The following EYA2 variants were observed in gnomAD, a reference collection of about 807,000 sequenced individuals.
EYA2 encodes the protein protein phosphatase EYA2.
Under a neutral mutation model 69.2 loss-of-function variants are expected in EYA2, and 31 were observed. That is an observed-to-expected ratio of 0.45 (90% CI 0.34 to 0.60). The LOEUF (loss-of-function observed/expected upper bound fraction) is 0.60. Ranked by LOEUF, EYA2 falls within the 20% of genes least tolerant of loss-of-function variation. EYA2 has a pLI of 0.02. For synonymous variants in EYA2, 257 were observed against 279.4 expected (o/e 0.92, Z 0.80); for missense variants, 622 against 701.2 (o/e 0.89, Z 1.28).
intron 1 of EYA2, among the ~76,000 whole-genome samples, chr20:46,909,520 C>CA (rs1415769661): frequency 6.6e-6 from 1 of 151,976 alleles, no homozygotes; most frequent in Non-Finnish European, 1.5e-5. Context: ...ATGTAAGTGA[C>CA]AAAAAAACTT....
chr20:47,182,226 G>A (rs529671792), intron 14 of EYA2, among the ~76,000 whole-genome samples: 25 of 151,982 alleles, frequency 1.6e-4, no homozygotes, highest in African/African-American at 5.5e-4. Flanking sequence ...TGTTGGCCAG[G>A]CTAGTCTTGA....
At position 47,055,219 on chromosome 20, in the gene EYA2, C is replaced by T. The variant is rs577803458; in HGVS notation, c.416-16966C>T. Reference sequence around the variant, plus strand: ...CTCACCAGGGAAGTGTAAGCCATCTCGAACCTCATTGCCCTGCATGGGACT... The same window carrying T: ...CTCACCAGGGAAGTGTAAGCCATCTTGAACCTCATTGCCCTGCATGGGACT... On this transcript the variant is annotated intron_variant, in intron 5 of 15. Transcript: ENST00000327619. Among the ~76,000 whole-genome samples the T allele has an allele frequency of 8.5e-5, 13 of 152,324 alleles. No individual in the cohort carries two copies. The South Asian group carries it at 2.5e-3, about 29-fold the overall frequency.
chr20:47,161,341 C>A, intron 10 of EYA2: 1 of 474,270 alleles, frequency 2.1e-6, no homozygotes, highest in Non-Finnish European at 4.0e-6. Context: ...TCACCGATGA[C>A]AATAAATCCC....
At chr20:47,113,438 T>C (rs1193665173) in intron 9 of EYA2, among the ~76,000 whole-genome samples, 2 of 152,188 alleles carry the variant, frequency 1.3e-5, no homozygotes, top group Non-Finnish European at 2.9e-5. Flanking sequence ...GTTAGACACC[T>C]TGATGGACAG....
At chr20:46,997,146 T>C (rs1045744321) in intron 2 of EYA2, among the ~76,000 whole-genome samples, 2 of 152,090 alleles carry the variant, frequency 1.3e-5, no homozygotes, top group Non-Finnish European at 2.9e-5. Flanking sequence ...GAAGCTGACA[T>C]GTGGTTCCCC....
chr20:47,183,320 C>T lies in EYA2; in HGVS notation c.1465C>T (p.Gln489Ter). ...GGAGAGCTGCTTCGAGAGGATAATG[C>T]AGAGATTCGGCAGAAAAGCTGTCTA... ...GKESCFERIM[Q>*]RFGRKAVYVV... is the part of the protein sequence containing the mutation. The change falls in exon 15 of 16, where the codon CAG (glutamine) becomes TAG (stop). Residue 489 changes from glutamine to a stop codon, truncating the protein, a stop_gained. Transcript: ENST00000327619. LOFTEE classifies it high-confidence loss of function. 6.2e-7 allele frequency: 1 copy of T among 1,614,118 alleles called. No homozygotes were observed. Among genetic ancestry groups the T allele is most frequent in the East Asian group, 2.2e-5 (1 of 44,882 alleles).
chr20:46,903,518 G>C (rs549371358), intron 1 of EYA2, among the ~76,000 whole-genome samples: 14 of 152,116 alleles, frequency 9.2e-5, no homozygotes, highest in Non-Finnish European at 1.9e-4. Context: ...TTTCAGCCTC[G>C]AGATTAAGAG....
chr20:47,030,257 C>T (rs1420330759), intron 5 of EYA2, among the ~76,000 whole-genome samples: 1 of 152,258 alleles, frequency 6.6e-6, no homozygotes, highest in Non-Finnish European at 1.5e-5. Flanking sequence ...AATGTCTGCA[C>T]CTCTGTCACC....
intron 9 of EYA2, among the ~76,000 whole-genome samples, chr20:47,119,899 G>A (rs199814858): frequency 3.3e-5 from 5 of 151,242 alleles, no homozygotes; most frequent in African/African-American, 9.7e-5. Context: ...AGAGCTTGTC[G>A]CTACAGAAAG....
At chr20:47,181,001 G>A (rs1483862235) in intron 14 of EYA2, 65 bp downstream of exon 14, 1 of 1,576,834 alleles carries the variant, frequency 6.3e-7, no homozygotes, top group African/African-American at 1.3e-5. Context: ...TTCCATCCTG[G>A]GAATGGGGTG....
At chr20:47,136,995 C>A (rs930433482) in intron 9 of EYA2, among the ~76,000 whole-genome samples, 1 of 152,120 alleles carries the variant, frequency 6.6e-6, no homozygotes, top group African/African-American at 2.4e-5. Flanking sequence ...GAGAACCACC[C>A]ACAAGTTCTC....
At chr20:46,959,735 C>A (rs1412461684) in intron 1 of EYA2, among the ~76,000 whole-genome samples, 6 of 152,234 alleles carry the variant, frequency 3.9e-5, no homozygotes. Context: ...TTCTCTCTTA[C>A]CCTCTCCCAA....
chr20:46,934,020 A>G (rs1985791479), intron 1 of EYA2, among the ~76,000 whole-genome samples: 1 of 152,224 alleles, frequency 6.6e-6, no homozygotes, highest in African/African-American at 2.4e-5. Context: ...CCATGCTCTC[A>G]AGACCTCACG....
chr20:46,900,975 G>A (rs1399366913), intron 1 of EYA2, among the ~76,000 whole-genome samples: 1 of 152,190 alleles, frequency 6.6e-6, no homozygotes, highest in Non-Finnish European at 1.5e-5. Context: ...ACCAAACAGG[G>A]TGAAAACCAC....
intron 1 of EYA2, among the ~76,000 whole-genome samples, chr20:46,932,419 G>A (rs750049093): frequency 2.0e-5 from 3 of 152,238 alleles, no homozygotes; most frequent in Non-Finnish European, 4.4e-5. Flanking sequence ...AGATGTAGGT[G>A]AGGGGTGATA....
At chr20:47,157,489 A>C (rs2033977677) in intron 10 of EYA2, among the ~76,000 whole-genome samples, 1 of 151,926 alleles carries the variant, frequency 6.6e-6, no homozygotes, top group African/African-American at 2.4e-5. Context: ...GAATAATTGG[A>C]AAGACCGTTA....
chr20:47,144,734 G>A lies in EYA2; in HGVS notation c.978+1586G>A, dbSNP rs570945286. Reference sequence around the variant, plus strand: ...ACATCTGTTTCAAAGAGCAGAACTAGGTAGAAACTTGAGGAAGAAAGAGAG... The same window carrying A: ...ACATCTGTTTCAAAGAGCAGAACTAAGTAGAAACTTGAGGAAGAAAGAGAG... On this transcript the variant is annotated intron_variant, in intron 10 of 15. Transcript: ENST00000327619. Among the ~76,000 whole-genome samples, 159 of 152,298 alleles carry A rather than the reference G, an allele frequency of 1.0e-3. 1 individual carries two copies. The highest frequency in any genetic ancestry group is 3.6e-3 in the African/African-American group (151 of 41,566).
At chr20:47,137,914 T>G (rs1317886324) in intron 9 of EYA2, among the ~76,000 whole-genome samples, 1 of 149,636 alleles carries the variant, frequency 6.7e-6, no homozygotes, top group African/African-American at 2.5e-5. Flanking sequence ...GCGCGTATTC[T>G]CACTCATAGG....
At chr20:47,120,214 A>C (rs1381527120) in intron 9 of EYA2, among the ~76,000 whole-genome samples, 1 of 151,994 alleles carries the variant, frequency 6.6e-6, no homozygotes, top group East Asian at 1.9e-4. Context: ...CCTCAAAAAA[A>C]AAATTAAATA....
Sources: gnomAD v4.1 joint callset for allele counts (sites outside exome capture counted in the v4.1 genomes callset) on GRCh38, gnomAD v4.1.1 for gene constraint, MANE v1.5 for transcripts, NCBI Gene and HGNC (gene_info 2026-07-23, HGNC 2026-07-21) for gene names.